Variants in CHSY3 observed in about 807,000 individuals in gnomAD.
CHSY3 encodes the protein chondroitin sulfate synthase 3.
A neutral mutation model predicts 67.2 loss-of-function variants in CHSY3; 35 were observed. The ratio of observed to expected loss-of-function variants is 0.52; its 90% CI spans 0.40 to 0.69. The LOEUF (loss-of-function observed/expected upper bound fraction) is 0.69. CHSY3 is among the 30% of genes least tolerant of loss of function. The pLI, the probability that CHSY3 is intolerant of heterozygous loss-of-function variation, is 0.00. For missense variants in CHSY3, 1,069 were observed against 1,138.5 expected (o/e 0.94, Z 0.88); for synonymous variants, 474 against 434.7 (o/e 1.09, Z -1.12).
intron 2 of CHSY3, among the ~76,000 whole-genome samples, chr5:130,067,930 A>G (rs1356432675): frequency 2.0e-5 from 3 of 152,196 alleles, no homozygotes; most frequent in Non-Finnish European, 4.4e-5. Context: ...AATCCAAGCC[A>G]TAGTTTAGGT....
chr5:130,153,936 G>A (rs2149725133), intron 2 of CHSY3, among the ~76,000 whole-genome samples: 1 of 151,734 alleles, frequency 6.6e-6, no homozygotes, highest in African/African-American at 2.4e-5. Flanking sequence ...TTGTTTGTTT[G>A]AGACAGAGTC....
chr5:129,931,522 G>A (rs1227187907), intron 2 of CHSY3, among the ~76,000 whole-genome samples: 1 of 152,056 alleles, frequency 6.6e-6, no homozygotes, highest in African/African-American at 2.4e-5. Context: ...AGTTATTGTG[G>A]CAGTTAATAA....
At chr5:129,979,535 A>G (rs1293176641) in intron 2 of CHSY3, among the ~76,000 whole-genome samples, 1 of 152,152 alleles carries the variant, frequency 6.6e-6, no homozygotes, top group African/African-American at 2.4e-5. Context: ...CTACAGGAGC[A>G]TAGCCTCCGC....
chr5:129,999,479 G>C (rs1763655766), intron 2 of CHSY3, among the ~76,000 whole-genome samples: 1 of 152,128 alleles, frequency 6.6e-6, no homozygotes. Flanking sequence ...GGCAGTGGTG[G>C]AGTATTCCAT....
At chr5:130,091,958 T>G (rs952636959) in intron 2 of CHSY3, among the ~76,000 whole-genome samples, 16 of 152,166 alleles carry the variant, frequency 1.1e-4, no homozygotes, top group Non-Finnish European at 1.8e-4. Flanking sequence ...ACAGTGGTAC[T>G]GGGGAGTCCA....
chr5:130,163,060 G>A (rs1769605610), intron 2 of CHSY3, among the ~76,000 whole-genome samples: 1 of 152,066 alleles, frequency 6.6e-6, no homozygotes, highest in Non-Finnish European at 1.5e-5. Context: ...GTGATGCCCA[G>A]CCCTACCCCA....
intron 2 of CHSY3, among the ~76,000 whole-genome samples, chr5:130,138,931 T>G (rs73247019): frequency 0.012 from 1,784 of 152,250 alleles, 24 homozygotes; most frequent in African/African-American, 0.039. Flanking sequence ...TTTTGGTGAA[T>G]TCATCATTGT....
At chr5:130,084,567 A>T (rs1766549360) in intron 2 of CHSY3, among the ~76,000 whole-genome samples, 1 of 151,888 alleles carries the variant, frequency 6.6e-6, no homozygotes, top group South Asian at 2.1e-4. Context: ...GACATAAGAC[A>T]TCAAGAGAGT....
At chr5:129,942,048 G>A (rs893734125) in intron 2 of CHSY3, among the ~76,000 whole-genome samples, 1 of 152,186 alleles carries the variant, frequency 6.6e-6, no homozygotes, top group African/African-American at 2.4e-5. Flanking sequence ...TTTTATGGGA[G>A]CTTCACAGTG....
At chr5:130,015,764 T>A (rs564016815) in intron 2 of CHSY3, among the ~76,000 whole-genome samples, 1 of 152,208 alleles carries the variant, frequency 6.6e-6, no homozygotes, top group Non-Finnish European at 1.5e-5. Flanking sequence ...ATCATTCTAC[T>A]GTAAAGATAC....
At chr5:129,907,693 A>G (rs1273009700) in intron 1 of CHSY3, among the ~76,000 whole-genome samples, 1 of 152,186 alleles carries the variant, frequency 6.6e-6, no homozygotes, top group Non-Finnish European at 1.5e-5. Context: ...AGGTATTAAG[A>G]GTCAGCCAAA....
At chr5:129,942,554 G>T (rs986155775) in intron 2 of CHSY3, among the ~76,000 whole-genome samples, 1 of 152,048 alleles carries the variant, frequency 6.6e-6, no homozygotes, top group Non-Finnish European at 1.5e-5. Context: ...TATATTTATT[G>T]TACCAGACAC....
chr5:129,921,256 G>A (rs244748), intron 2 of CHSY3, among the ~76,000 whole-genome samples: 79,491 of 151,936 alleles, frequency 0.52, 20,967 homozygotes, highest in Middle Eastern at 0.61. Flanking sequence ...CATGTACTAT[G>A]CACAAGCACT....
rs1316779864 is a variant in CHSY3, at chr5:130,185,715, T to G, written c.2573T>G (p.Phe858Cys). Reference protein sequence around the residue: ...KMCLGSKASTFASTMQLAELW... With the variant: ...KMCLGSKASTCASTMQLAELW... ...TGCTTAGGATCCAAGGCAAGTACTT[T>G]CGCCTCAACCATGCAACTGGCTGAA... Residue 858 changes from phenylalanine (F) to cysteine (C), a missense_variant, in exon 3 of 3, where the codon TTC becomes TGC. Physicochemically the swap from Phe to Cys is radical, Grantham distance 205. Around this residue, in one of 5 missense-constraint regions of CHSY3, gnomAD observed 139 missense variants for 152.8 expected, o/e 0.91. Transcript: ENST00000305031. 6.2e-7 allele frequency: 1 copy of G among 1,613,436 alleles called. No individual in the cohort carries two copies. The highest frequency in any genetic ancestry group is 8.5e-7 in the Non-Finnish European group (1 of 1,179,714).
chr5:130,075,188 C>G (rs138522688), intron 2 of CHSY3, among the ~76,000 whole-genome samples: 2 of 152,204 alleles, frequency 1.3e-5, no homozygotes, highest in East Asian at 3.9e-4. Flanking sequence ...AGGGGTACAT[C>G]CAACTCATTA....
chr5:130,146,493 G>T (rs962835616), intron 2 of CHSY3, among the ~76,000 whole-genome samples: 1 of 152,048 alleles, frequency 6.6e-6, no homozygotes, highest in African/African-American at 2.4e-5. Flanking sequence ...TTAATAGGCA[G>T]AAATTACAAT....
At chr5:129,940,407 A>G (rs1761661395) in intron 2 of CHSY3, among the ~76,000 whole-genome samples, 1 of 152,162 alleles carries the variant, frequency 6.6e-6, no homozygotes, top group African/African-American at 2.4e-5. Context: ...TCAAAAGAGT[A>G]ATTACCAAAA....
chr5:130,044,297 G>A (rs967582941), intron 2 of CHSY3, among the ~76,000 whole-genome samples: 15 of 152,062 alleles, frequency 9.9e-5, no homozygotes, highest in African/African-American at 3.6e-4. Flanking sequence ...GTTTCAAGAA[G>A]GGGAGAGGAG....
chr5:130,010,638 G>A (rs537792729), intron 2 of CHSY3, among the ~76,000 whole-genome samples: 262 of 152,130 alleles, frequency 1.7e-3, no homozygotes, highest in Middle Eastern at 6.8e-3. Context: ...ACCAAACTTA[G>A]AGCTGAACAG....
Sources: gnomAD v4.1 joint callset for allele counts (sites outside exome capture counted in the v4.1 genomes callset) on GRCh38, gnomAD v4.1.1 for gene constraint, gnomAD v4.1.1 regional missense constraint, MANE v1.5 for transcripts, NCBI Gene and HGNC (gene_info 2026-07-23, HGNC 2026-07-21) for gene names.